MEIOSIN: variants seen among roughly 807,000 people sequenced by gnomAD.
MEIOSIN encodes the protein meiosis initiator.
MEIOSIN carries 18 observed loss-of-function variants against 23.4 expected under a neutral mutation model. The observed-to-expected ratio is 0.77, with a 90% CI of 0.53 to 1.14. The LOEUF is 1.14. MEIOSIN is among the 50% of genes most tolerant of loss of function. The probability of loss-of-function intolerance (pLI) is 0.00; values close to 1 mark genes in which losing one functional copy is unlikely to be tolerated. For missense variants in MEIOSIN, 428 were observed against 242.9 expected (o/e 1.76, Z -5.07); for synonymous variants, 187 against 100.6 (o/e 1.86, Z -5.14).
Position 45,754,680 on chromosome 19 carries a change from C to T in MEIOSIN, c.758C>T (p.Thr253Met), listed in dbSNP as rs1009317077. 13 of 702,956 alleles carry T rather than the reference C, an allele frequency of 1.8e-5. No homozygotes were observed. The highest frequency in any genetic ancestry group is 2.9e-5 in the Non-Finnish European group (11 of 385,038). 43.5% of individuals were successfully genotyped at this position (702,956 alleles called of 1,614,324 possible). A position where few individuals can be genotyped will look rare whatever the true frequency, so the allele number is the denominator to read the frequency against. ...AGAAAAGGAGGACAGTCCCAGCTGA[C>T]GCTGTTGGATCTGGCCGAGGACACC... ...GDRKGGQSQL[T>M]LLDLAEDTIH... is the part of the protein sequence containing the mutation. Residue 253 changes from threonine (T) to methionine (M), a missense_variant, in exon 7 of 15, where the codon ACG becomes ATG. Physicochemically the swap from Thr to Met is moderately conservative, Grantham distance 81. Coordinates refer to ENST00000457052, the MANE Select transcript of MEIOSIN (RefSeq NM_001310124.2).
intron 3 of MEIOSIN, among the ~76,000 whole-genome samples, chr19:45,742,102 C>T (rs1968516151): frequency 2.0e-5 from 3 of 152,084 alleles, no homozygotes; most frequent in Admixed American, 1.3e-4. Flanking sequence ...TCTTGAACTC[C>T]TGACCTCAGG....
intron 4 of MEIOSIN, among the ~76,000 whole-genome samples, chr19:45,746,726 C>T (rs1417065291): frequency 4.6e-5 from 7 of 151,260 alleles, no homozygotes; most frequent in Admixed American, 6.6e-5. Flanking sequence ...GAGGCTGAGG[C>T]GGGAGATTTG....
intron 9 of MEIOSIN, among the ~76,000 whole-genome samples, 178 bp downstream of exon 9, chr19:45,757,455 ACAAT>A: frequency 6.6e-6 from 1 of 152,260 alleles, no homozygotes; most frequent in African/African-American, 2.4e-5. Context: ...CGGAGGCTTG[ACAAT>A]CAATCACCAC....
intron 9 of MEIOSIN, among the ~76,000 whole-genome samples, chr19:45,758,547 G>A (rs1031493534): frequency 6.6e-6 from 1 of 151,810 alleles, no homozygotes; most frequent in Non-Finnish European, 1.5e-5. Context: ...TCCTTCCTCA[G>A]CCTCCTGAGT....
At chr19:45,734,782 G>C (rs1968383054) in intron 1 of MEIOSIN, among the ~76,000 whole-genome samples, 1 of 150,482 alleles carries the variant, frequency 6.6e-6, no homozygotes, top group Non-Finnish European at 1.5e-5. Context: ...TAGGATTACA[G>C]GCGTGAGCCA....
intron 7 of MEIOSIN, 104 bp from the exon 8 acceptor site, chr19:45,755,866 T>G: frequency 3.2e-6 from 2 of 625,182 alleles, no homozygotes; most frequent in South Asian, 1.8e-5. Flanking sequence ...GATTGGGGAG[T>G]GAGAGGGTGT....
chr19:45,755,915 G>A, intron 7 of MEIOSIN, 55 bp from the exon 8 acceptor site: 1 of 684,108 alleles, frequency 1.5e-6, no homozygotes, highest in Non-Finnish European at 2.7e-6. Context: ...CTGCTTCTGG[G>A]CTTCCTGGAA....
In MEIOSIN at chr19:45,761,776, A is replaced by G. The variant is rs1332779816; in HGVS notation, c.1343A>G (p.Asn448Ser). The G allele has an allele frequency of 1.4e-6, 1 of 699,728 alleles. No individual in the cohort carries two copies. Among genetic ancestry groups the G allele is most frequent in the Middle Eastern group, 2.3e-4 (1 of 4,368 alleles). The allele number at this position is 699,728 out of a possible 1,614,324, so 43.3% of individuals were successfully genotyped here. ...CACTGCTACCTCTCGCTGAGCGGGA[A>G]CAGCAAGGCGCCATCCAGCTCCAGC... The part of the protein sequence containing the change: ...LDHCYLSLSG[N>S]SKAPSSSSSS... The change falls in exon 12 of 15, where the codon AAC (asparagine) becomes AGC (serine). Residue 448 changes from asparagine (N) to serine (S), a missense_variant. Transcript: ENST00000457052.
rs115162197 is a variant in MEIOSIN at position 45,737,987 on chromosome 19, C to T, written c.72-1639C>T. On this transcript the variant is annotated intron_variant, in intron 2 of 14. Coordinates refer to ENST00000457052, the MANE Select transcript of MEIOSIN (RefSeq NM_001310124.2). ...CCTACACTGGTCTGAAACTCCTAGGCTCAAGTGATCTTCCTGCCTCAGCCT... is the reference window on the plus strand; with the variant it reads ...CCTACACTGGTCTGAAACTCCTAGGTTCAAGTGATCTTCCTGCCTCAGCCT... Among the ~76,000 whole-genome samples the T allele has an allele frequency of 6.2e-3, 936 of 151,954 alleles. 8 individuals carry two copies. The highest frequency in any genetic ancestry group is 0.02 in the African/African-American group (835 of 41,464).
At chr19:45,741,105 T>A (rs1968497181) in intron 3 of MEIOSIN, among the ~76,000 whole-genome samples, 1 of 151,980 alleles carries the variant, frequency 6.6e-6, no homozygotes, top group Non-Finnish European at 1.5e-5. Context: ...ATCCCAGCAC[T>A]TTAGGAGGCC....
intron 5 of MEIOSIN, among the ~76,000 whole-genome samples, chr19:45,751,974 C>T (rs1968720583): frequency 6.7e-6 from 1 of 150,334 alleles, no homozygotes; most frequent in Non-Finnish European, 1.5e-5. Context: ...CTCAGGTGAT[C>T]CACCCACCTT....
intron 9 of MEIOSIN, among the ~76,000 whole-genome samples, chr19:45,758,042 G>A (rs1245201063): frequency 6.6e-6 from 1 of 151,356 alleles, no homozygotes; most frequent in African/African-American, 2.4e-5. Flanking sequence ...TTGTCTCCCA[G>A]GCTAGAGTGC....
At position 45,733,863 on chromosome 19, in the gene MEIOSIN, G is replaced by A. The variant is rs1968365531; in HGVS notation, c.-1+197G>A. 1.3e-5 allele frequency among the ~76,000 whole-genome samples: 2 copies of A among 152,184 alleles called. No homozygotes were observed. Among genetic ancestry groups the A allele is most frequent in the Admixed American group, 1.3e-4 (2 of 15,266 alleles). On this transcript the variant is annotated intron_variant, in intron 1 of 14. Coordinates refer to ENST00000457052, the MANE Select transcript of MEIOSIN (RefSeq NM_001310124.2). The surrounding 1 kb of genome is among the most constrained non-coding windows in gnomAD (Gnocchi z 5.7). ...CCGGGGGTCCAGGTTCGAGTTTGAG[G>A]AACGGAAGACTCTGTTTGTGTTGGG...
At chr19:45,755,652 T>C (rs1968809617) in intron 7 of MEIOSIN, among the ~76,000 whole-genome samples, 1 of 152,102 alleles carries the variant, frequency 6.6e-6, no homozygotes, top group African/African-American at 2.4e-5. Flanking sequence ...TTTCACCGTG[T>C]TGGCCAGGCT....
chr19:45,747,928 C>T (rs1968623721), intron 4 of MEIOSIN, among the ~76,000 whole-genome samples: 1 of 149,788 alleles, frequency 6.7e-6, no homozygotes, highest in Admixed American at 6.9e-5. Context: ...GACGAAAGTC[C>T]ATCTCTACAA....
chr19:45,762,451 A>G (rs1968966163), intron 13 of MEIOSIN, among the ~76,000 whole-genome samples: 1 of 152,198 alleles, frequency 6.6e-6, no homozygotes, highest in African/African-American at 2.4e-5. Flanking sequence ...TTTTTGAGAC[A>G]GAGTCTCACT....
intron 2 of MEIOSIN, among the ~76,000 whole-genome samples, chr19:45,736,859 C>G (rs2146171784): frequency 6.6e-6 from 1 of 151,208 alleles, no homozygotes; most frequent in South Asian, 2.1e-4. Flanking sequence ...GCGTGAGCCA[C>G]TGCGCCCAGC....
chr19:45,760,266 A>C (rs1309097939), intron 11 of MEIOSIN, among the ~76,000 whole-genome samples: 1 of 151,458 alleles, frequency 6.6e-6, no homozygotes, highest in Non-Finnish European at 1.5e-5. Context: ...TCAGGAGTTC[A>C]AGACCAGCCT....
intron 4 of MEIOSIN, among the ~76,000 whole-genome samples, chr19:45,749,300 AG>A (rs1299538775): frequency 7.3e-6 from 1 of 137,266 alleles, no homozygotes; most frequent in Non-Finnish European, 1.5e-5. Context: ...CGAGCCTAGG[AG>A]GTGGAGGTTG....
Sources: allele counts gnomAD v4.1 joint callset (sites outside exome capture counted in the v4.1 genomes callset), GRCh38; gene constraint gnomAD v4.1.1; non-coding constraint Gnocchi (gnomAD v3.1); transcripts MANE v1.5; gene names NCBI Gene and HGNC (gene_info 2026-07-23, HGNC 2026-07-21).